The following CNTN1 variants were observed in gnomAD, a reference collection of about 807,000 sequenced individuals.
The protein encoded by CNTN1 is contactin-1.
A neutral mutation model predicts 126.4 loss-of-function variants in CNTN1; 38 were observed. The ratio of observed to expected loss-of-function variants is 0.30; its 90% CI spans 0.23 to 0.39. The LOEUF is 0.39. CNTN1 is among the 10% of genes least tolerant of loss of function. The probability of loss-of-function intolerance (pLI) is 1.00; values close to 1 mark genes in which losing one functional copy is unlikely to be tolerated. For synonymous variants in CNTN1, 413 were observed against 422.6 expected, an observed-to-expected ratio of 0.98 and a Z score of 0.28; for missense variants, 1,009 against 1,248.4, an observed-to-expected ratio of 0.81 and a Z score of 2.89.
At chr12:40,946,755 TG>T (rs1254193906) in intron 14 of CNTN1, among the ~76,000 whole-genome samples, 6 of 152,140 alleles carry the variant, frequency 3.9e-5, no homozygotes, top group Non-Finnish European at 8.8e-5. Context: ...AATAATAAAT[TG>T]AATTCAATAA....
chr12:40,736,960 T>G (rs1237364018), intron 1 of CNTN1, among the ~76,000 whole-genome samples: 1 of 151,940 alleles, frequency 6.6e-6, no homozygotes, highest in African/African-American at 2.4e-5. Context: ...TTTTCAACAT[T>G]ATAAAAATAA....
chr12:40,764,555 G>T (rs750067655), intron 1 of CNTN1, among the ~76,000 whole-genome samples: 2 of 152,068 alleles, frequency 1.3e-5, no homozygotes, highest in Non-Finnish European at 2.9e-5. Context: ...TGGCCTCCAG[G>T]CCCTTGAGAA....
At chr12:40,695,951 G>A (rs1268670540) in intron 1 of CNTN1, among the ~76,000 whole-genome samples, 1 of 152,162 alleles carries the variant, frequency 6.6e-6, no homozygotes, top group African/African-American at 2.4e-5. Flanking sequence ...TAAGAGCACA[G>A]GCTTTGGGAG....
chr12:40,980,162 G>A (rs754416370), intron 15 of CNTN1, among the ~76,000 whole-genome samples: 1 of 152,130 alleles, frequency 6.6e-6, no homozygotes, highest in African/African-American at 2.4e-5. Context: ...GGCCAGTGCG[G>A]TGGTTCACAC....
chr12:40,941,172 CT>C (rs2136943731), intron 12 of CNTN1, among the ~76,000 whole-genome samples: 1 of 152,188 alleles, frequency 6.6e-6, no homozygotes, highest in South Asian at 2.1e-4. Context: ...TTTTTAAAGC[CT>C]TTGAAATCAA....
rs1180155348 is a variant in CNTN1 at position 41,056,401 on chromosome 12, C to G, written c.2981-13558C>G. ...TAGTTCTAACACTAAAGCATGTGCT[C>G]TTAATCTGTATACTATGTTAGGATG... On this transcript the variant is annotated intron_variant, in intron 23 of 23. Coordinates refer to ENST00000551295, the MANE Select transcript of CNTN1 (RefSeq NM_001843.4). 2.0e-5 allele frequency among the ~76,000 whole-genome samples: 3 copies of G among 152,088 alleles called. No homozygotes were observed. The South Asian group carries it at 6.2e-4, about 32-fold the overall frequency.
chr12:40,860,410 T>G (rs1324283016), intron 1 of CNTN1, among the ~76,000 whole-genome samples: 3 of 152,108 alleles, frequency 2.0e-5, no homozygotes, highest in Admixed American at 1.3e-4. Flanking sequence ...GCCTTTAATT[T>G]ATTGGAGTTA....
chr12:41,017,377 G>A (rs1373917829), intron 19 of CNTN1, among the ~76,000 whole-genome samples: 6 of 121,082 alleles, frequency 5.0e-5, no homozygotes, highest in South Asian at 2.4e-4. Context: ...GCAAGACTCC[G>A]TCTCAAAAAA....
At chr12:40,768,359 G>C (rs1939203109) in intron 1 of CNTN1, among the ~76,000 whole-genome samples, 1 of 152,148 alleles carries the variant, frequency 6.6e-6, no homozygotes, top group Non-Finnish European at 1.5e-5. Context: ...CAATTTCAAA[G>C]CCATGTCAGT....
intron 1 of CNTN1, among the ~76,000 whole-genome samples, chr12:40,900,867 G>A (rs911007780): frequency 3.3e-5 from 5 of 152,202 alleles, no homozygotes; most frequent in African/African-American, 1.2e-4. Context: ...ATAAAACATG[G>A]TAGATAGGTT....
chr12:40,730,990 T>G (rs1942486495), intron 1 of CNTN1, among the ~76,000 whole-genome samples: 1 of 151,652 alleles, frequency 6.6e-6, no homozygotes, highest in Admixed American at 6.6e-5. Flanking sequence ...TAGTAAAGCC[T>G]GAAAATAAGT....
At chr12:40,985,446 G>A (rs556211209) in intron 16 of CNTN1, among the ~76,000 whole-genome samples, 16 of 152,150 alleles carry the variant, frequency 1.1e-4, no homozygotes, top group African/African-American at 3.4e-4. Context: ...ATCAGAAAAT[G>A]TCTTTAATTT....
intron 1 of CNTN1, among the ~76,000 whole-genome samples, chr12:40,829,449 C>T (rs1941732074): frequency 1.3e-5 from 2 of 151,302 alleles, no homozygotes; most frequent in Admixed American, 6.6e-5. Context: ...TCTATCAAGA[C>T]CAAGAATAGA....
intron 1 of CNTN1, among the ~76,000 whole-genome samples, chr12:40,843,643 C>A (rs1025402497): frequency 6.6e-6 from 1 of 152,148 alleles, no homozygotes; most frequent in African/African-American, 2.4e-5. Flanking sequence ...ATGTACAAAA[C>A]TAGCAAATGC....
At chr12:40,810,958 A>G (rs1281614152) in intron 1 of CNTN1, among the ~76,000 whole-genome samples, 1 of 152,196 alleles carries the variant, frequency 6.6e-6, no homozygotes, top group Non-Finnish European at 1.5e-5. Flanking sequence ...AGCTACAACC[A>G]TGGCACTGTA....
chr12:41,028,816 A>G (rs1227431814), intron 22 of CNTN1, among the ~76,000 whole-genome samples: 3 of 152,188 alleles, frequency 2.0e-5, no homozygotes, highest in Non-Finnish European at 4.4e-5. Context: ...GGTCATCTCA[A>G]AAAATAAAAT....
intron 1 of CNTN1, among the ~76,000 whole-genome samples, chr12:40,788,548 G>A (rs926076707): frequency 2.0e-5 from 3 of 152,046 alleles, no homozygotes. Context: ...AGAACAGAAA[G>A]ACTTCAAAGA....
intron 1 of CNTN1, among the ~76,000 whole-genome samples, chr12:40,852,484 A>G (rs1036223404): frequency 1.3e-5 from 2 of 150,534 alleles, no homozygotes; most frequent in Non-Finnish European, 3.0e-5. Flanking sequence ...CATATCATTC[A>G]TTTACCCAAA....
chr12:40,875,462 T>A (rs894849577), intron 1 of CNTN1, among the ~76,000 whole-genome samples: 2 of 152,110 alleles, frequency 1.3e-5, no homozygotes, highest in Admixed American at 6.6e-5. Context: ...ATTTCTGTAA[T>A]TTTGTCATTT....
Sources: allele counts gnomAD v4.1 joint callset (sites outside exome capture counted in the v4.1 genomes callset), GRCh38; gene constraint gnomAD v4.1.1; transcripts MANE v1.5; gene names NCBI Gene and HGNC (gene_info 2026-07-23, HGNC 2026-07-21).